The following RBFOX1 variants were observed in gnomAD, a reference collection of about 807,000 sequenced individuals.
The protein encoded by RBFOX1 is RNA binding fox-1 homolog 1.
In RBFOX1, 8 loss-of-function variants were observed where a neutral mutation model predicts 57.7. The ratio of observed to expected loss-of-function variants is 0.14; its 90% CI spans 0.08 to 0.25. RBFOX1 has a LOEUF of 0.25. Ranked by LOEUF, RBFOX1 falls within the 10% of genes least tolerant of loss-of-function variation. The pLI is 1.00. For missense variants in RBFOX1, 611 were observed against 548.5 expected, an observed-to-expected ratio of 1.11 and a Z score of -1.14; for synonymous variants, 326 against 222.4, an observed-to-expected ratio of 1.47 and a Z score of -4.15.
intron 4 of RBFOX1, among the ~76,000 whole-genome samples, chr16:7,125,940 G>C (rs1343273069): frequency 3.9e-5 from 6 of 152,026 alleles, no homozygotes; most frequent in African/African-American, 1.4e-4. Flanking sequence ...AAAATTACCT[G>C]TGCGTGGTGG....
chr16:6,473,634 G>A (rs568541395), intron 2 of RBFOX1, among the ~76,000 whole-genome samples: 3 of 152,016 alleles, frequency 2.0e-5, no homozygotes, highest in African/African-American at 7.2e-5. Flanking sequence ...ATAAACAGAG[G>A]CTATTTATTC....
intron 4 of RBFOX1, among the ~76,000 whole-genome samples, chr16:7,235,085 T>C (rs542332063): frequency 2.0e-5 from 3 of 152,176 alleles, no homozygotes; most frequent in Non-Finnish European, 2.9e-5. Context: ...GAAGGAAGAA[T>C]GTAAAACAGA....
At chr16:5,956,908 A>G (rs575335954) in intron 4 of RBFOX1, among the ~76,000 whole-genome samples, 48 of 151,144 alleles carry the variant, frequency 3.2e-4, no homozygotes, top group African/African-American at 1.1e-3. Context: ...GTCTCCAGCA[A>G]TCCATCTGCC....
intron 3 of RBFOX1, among the ~76,000 whole-genome samples, chr16:6,692,251 C>T (rs971000420): frequency 6.6e-6 from 1 of 152,082 alleles, no homozygotes. Flanking sequence ...GTAAGATCAC[C>T]CAGGGAGTAA....
chr16:7,441,690 G>C (rs1325713522), intron 4 of RBFOX1, among the ~76,000 whole-genome samples: 2 of 152,152 alleles, frequency 1.3e-5, no homozygotes, highest in East Asian at 3.9e-4. Flanking sequence ...AAAAAAATCA[G>C]ACGATCTGGC....
chr16:6,925,222 C>T (rs931779837), intron 3 of RBFOX1, among the ~76,000 whole-genome samples: 6 of 138,734 alleles, frequency 4.3e-5, no homozygotes, highest in African/African-American at 1.1e-4. Context: ...AAGCCTCTGC[C>T]TCCCGGGCTC....
chr16:5,696,567 A>G (rs1395511047), intron 3 of RBFOX1, among the ~76,000 whole-genome samples: 2 of 152,196 alleles, frequency 1.3e-5, no homozygotes, highest in African/African-American at 4.8e-5. Context: ...TATTTCTAAA[A>G]CCATCTCCAG....
intron 2 of RBFOX1, among the ~76,000 whole-genome samples, chr16:6,478,287 A>C (rs1272154380): frequency 7.6e-6 from 1 of 132,084 alleles, no homozygotes; most frequent in African/African-American, 2.9e-5. Context: ...CAGTGGCGTG[A>C]TCTCAGCTTA....
At chr16:5,879,018 A>C (rs2057693185) in intron 4 of RBFOX1, among the ~76,000 whole-genome samples, 1 of 152,212 alleles carries the variant, frequency 6.6e-6, no homozygotes, top group Non-Finnish European at 1.5e-5. Context: ...TACTGTCTTC[A>C]GCAGCAGCAC....
At chr16:7,524,629 A>G (rs555848495) in intron 5 of RBFOX1, among the ~76,000 whole-genome samples, 1 of 152,274 alleles carries the variant, frequency 6.6e-6, no homozygotes, top group African/African-American at 2.4e-5. Context: ...CCCTGATTGG[A>G]GAAGGAATGT....
chr16:5,759,626 C>T (rs2053524425), intron 3 of RBFOX1, among the ~76,000 whole-genome samples: 1 of 152,092 alleles, frequency 6.6e-6, no homozygotes, highest in Non-Finnish European at 1.5e-5. Context: ...GCTAGATCTC[C>T]ATTTGGGTAG....
intron 4 of RBFOX1, among the ~76,000 whole-genome samples, chr16:5,976,846 G>A (rs1485272243): frequency 6.6e-6 from 1 of 152,216 alleles, no homozygotes; most frequent in African/African-American, 2.4e-5. Flanking sequence ...TTCAGCCTGG[G>A]CAGCAGAGCA....
chr16:7,530,079 G>T (rs1267053883), intron 5 of RBFOX1, among the ~76,000 whole-genome samples: 1 of 150,542 alleles, frequency 6.6e-6, no homozygotes, highest in South Asian at 2.1e-4. Flanking sequence ...GTTCATAAAA[G>T]AGACAGCTTG....
chr16:5,317,971 T>C (rs1259336788), intron 1 of RBFOX1, among the ~76,000 whole-genome samples: 1 of 152,176 alleles, frequency 6.6e-6, no homozygotes, highest in Non-Finnish European at 1.5e-5. Flanking sequence ...TGTTCTACTT[T>C]CTGCCTCTAA....
chr16:5,344,663 A>T (rs575225178), intron 1 of RBFOX1, among the ~76,000 whole-genome samples: 36 of 152,318 alleles, frequency 2.4e-4, no homozygotes, highest in Middle Eastern at 6.8e-3. Context: ...ACCTGGCTGG[A>T]ATTCTGAACT....
intron 14 of RBFOX1, among the ~76,000 whole-genome samples, chr16:7,694,155 A>C (rs1344932806): frequency 3.9e-5 from 6 of 152,204 alleles, no homozygotes; most frequent in Non-Finnish European, 1.5e-5. Context: ...TTAAGCCTAA[A>C]CTATGACCAA....
chr16:6,743,090 G>T (rs1481092647), intron 3 of RBFOX1, among the ~76,000 whole-genome samples: 1 of 152,112 alleles, frequency 6.6e-6, no homozygotes, highest in Non-Finnish European at 1.5e-5. Flanking sequence ...ACAACTGTCT[G>T]TGTATTTGTA....
Position 6,865,414 on chromosome 16 carries a change from C to G in RBFOX1, c.-15-186643C>G, listed in dbSNP as rs370246390. ...AGAAGAAAAATCATTTCTAATTTTA[C>G]CAGTGTTTATCATTAGTGTGTGCCA... On this transcript the variant is annotated intron_variant, in intron 3 of 15. Coordinates refer to ENST00000550418, the MANE Select transcript of RBFOX1 (RefSeq NM_018723.4). Among the ~76,000 whole-genome samples, 6 of 152,112 alleles carry G rather than the reference C, an allele frequency of 3.9e-5. 1 individual carries two copies. In the East Asian group the frequency reaches 1.2e-3, roughly 29 times the overall value.
chr16:7,214,781 C>T (rs11077149), intron 4 of RBFOX1, among the ~76,000 whole-genome samples: 61,210 of 151,870 alleles, frequency 0.4, 13,017 homozygotes, highest in Middle Eastern at 0.46. Flanking sequence ...TCAATCTCAC[C>T]CCTGCAAAAT....
Sources: gnomAD v4.1 joint callset for allele counts (sites outside exome capture counted in the v4.1 genomes callset) on GRCh38, gnomAD v4.1.1 for gene constraint, MANE v1.5 for transcripts, NCBI Gene and HGNC (gene_info 2026-07-23, HGNC 2026-07-21) for gene names.